The following ZNF540 variants were observed in gnomAD, a reference collection of about 807,000 sequenced individuals.
ZNF540 encodes CTD-3064H18.6.
Under a neutral mutation model 11.8 loss-of-function variants are expected in ZNF540, and 3 were observed. That is an observed-to-expected ratio of 0.25 (90% confidence interval 0.12 to 0.65). ZNF540 has a LOEUF of 0.65. ZNF540 is among the 30% of genes least tolerant of loss of function. The pLI is 0.83. For missense variants in ZNF540, 709 were observed against 793.1 expected, an observed-to-expected ratio of 0.89 and a Z score of 1.27; for synonymous variants, 247 against 259.0, an observed-to-expected ratio of 0.95 and a Z score of 0.45.
rs375408068 is a variant in ZNF540 at position 37,571,089 on chromosome 19, TA to T, written c.-73+19425del. On this transcript the variant is annotated intron_variant, in intron 1 of 4. Coordinates refer to the ZNF540 transcript ENST00000592533. ...GAATCACTCATTGTGTATTCATCTG[TA>T]GCTCATACAGCATTACTAATTATAG... 7.9e-5 allele frequency among the ~76,000 whole-genome samples: 12 copies of T among 152,358 alleles called. No individual in the cohort carries two copies. In the South Asian group the frequency reaches 2.5e-3, roughly 32 times the overall value.
At chr19:37,561,067 A>G (rs374264428) in intron 1 of ZNF540, among the ~76,000 whole-genome samples, 9 of 127,246 alleles carry the variant, frequency 7.1e-5, no homozygotes, top group African/African-American at 1.2e-4. Flanking sequence ...AAAAAAAAAA[A>G]AAAAAAAGAA....
intron 3 of ZNF540, 55 bp from the exon 4 acceptor site, chr19:37,600,955 C>T: frequency 2.1e-6 from 3 of 1,420,542 alleles, no homozygotes; most frequent in Non-Finnish European, 2.9e-6. Flanking sequence ...CAAAATGTTT[C>T]TGAATGTGCA....
At chr19:37,589,275 A>G (rs2043794744) in intron 1 of ZNF540, among the ~76,000 whole-genome samples, 1 of 151,904 alleles carries the variant, frequency 6.6e-6, no homozygotes, top group African/African-American at 2.4e-5. Flanking sequence ...TTCAGAGGGG[A>G]AAATTCTGTA....
intron 1 of ZNF540, among the ~76,000 whole-genome samples, chr19:37,578,958 A>C (rs928225542): frequency 3.3e-5 from 5 of 151,868 alleles, no homozygotes; most frequent in Non-Finnish European, 7.4e-5. Flanking sequence ...AGGGAAGGGC[A>C]AGCGCGCCAC....
At position 37,612,108 on chromosome 19, in the gene ZNF540, T is replaced by C. The variant is rs770562672; in HGVS notation, c.828T>C (p.Cys276=). The change falls in exon 5 of 5, where the codon TGT becomes TGC. Residue 276 remains cysteine, a synonymous_variant. Transcript: ENST00000316433. The stretch of plus-strand genomic sequence containing the variant: ...AAAAACCCTATATGTGTAAGAAATG[T>C]GATAAGGGTTTTTTTAGTAGATTAG... ...TGKKPYMCKK[C]DKGFFSRLEL... 1 of 1,611,636 alleles carries C rather than the reference T, an allele frequency of 6.2e-7. No individual in the cohort carries two copies. The highest frequency in any genetic ancestry group is 8.5e-7 in the Non-Finnish European group (1 of 1,179,622).
At position 37,564,954 on chromosome 19, in the gene ZNF540, G is replaced by C. The variant is rs1239412209; in HGVS notation, c.-73+13289G>C. Reference sequence around the variant, plus strand: ...TTTTCACCTGTATGAATTCTTTGATGATATGTAAGTTGTGTAGCACGTACA... The same window carrying C: ...TTTTCACCTGTATGAATTCTTTGATCATATGTAAGTTGTGTAGCACGTACA... On this transcript the variant is annotated intron_variant, in intron 1 of 4. Coordinates refer to the ZNF540 transcript ENST00000592533. The C allele has an allele frequency of 3.1e-6, 5 of 1,613,836 alleles. No individual in the cohort carries two copies. The East Asian group carries it at 8.9e-5, about 29-fold the overall frequency.
intron 4 of ZNF540, among the ~76,000 whole-genome samples, chr19:37,605,377 C>T (rs1429885141): frequency 1.3e-5 from 2 of 152,062 alleles, no homozygotes; most frequent in Admixed American, 1.3e-4. Flanking sequence ...GGGCTGGGTG[C>T]GGTGGCTCAT....
At chr19:37,608,936 C>T (rs902578704) in intron 4 of ZNF540, among the ~76,000 whole-genome samples, 8 of 152,074 alleles carry the variant, frequency 5.3e-5, no homozygotes, top group African/African-American at 1.7e-4. Context: ...CCACTGCGCC[C>T]GGCCAGTATT....
rs1445233764 is a variant in ZNF540 at position 37,569,790 on chromosome 19, G to T, written c.-73+18125G>T. On this transcript the variant is annotated intron_variant, in intron 1 of 4. Coordinates refer to the ZNF540 transcript ENST00000592533. This position sits in a 1 kb window ranked among gnomAD's most constrained non-coding sequence, Gnocchi z 4.4. ...CTGCAGTACACTGTTACTTCTGCTAGGAATGCTCTTCCCTCTTCTCTCTAT... is the reference window on the plus strand; with the variant it reads ...CTGCAGTACACTGTTACTTCTGCTATGAATGCTCTTCCCTCTTCTCTCTAT... The T allele has an allele frequency of 6.6e-6, 1 of 152,292 alleles. No homozygotes were observed. The highest frequency in any genetic ancestry group is 2.4e-5 in the African/African-American group (1 of 41,402). 9.4% of individuals were successfully genotyped at this position (152,292 alleles called of 1,614,324 possible).
chr19:37,568,324 C>CA (rs370359668), intron 1 of ZNF540, among the ~76,000 whole-genome samples: 1 of 150,726 alleles, frequency 6.6e-6, no homozygotes, highest in African/African-American at 2.4e-5. Context: ...ACTACCCCCC[C>CA]CCACTTGCCA....
chr19:37,605,534 G>C (rs2044078405), intron 4 of ZNF540, among the ~76,000 whole-genome samples: 1 of 152,136 alleles, frequency 6.6e-6, no homozygotes, highest in Non-Finnish European at 1.5e-5. Flanking sequence ...TGTAATCCCA[G>C]CTACCCGGGA....
At chr19:37,583,828 T>G in intron 1 of ZNF540, 3 of 774,522 alleles carry the variant, frequency 3.9e-6, no homozygotes, top group Non-Finnish European at 6.2e-6. Context: ...GGATAAGAGA[T>G]AAAAAGGTAC....
intron 1 of ZNF540, chr19:37,564,733 C>A (rs2042784158): frequency 4.3e-6 from 7 of 1,613,556 alleles, no homozygotes; most frequent in Non-Finnish European, 5.9e-6. Context: ...GACTAAAGGC[C>A]CTCCCACATT....
intron 1 of ZNF540, chr19:37,564,440 AG>A: frequency 1.9e-6 from 1 of 525,064 alleles, no homozygotes; most frequent in Non-Finnish European, 3.1e-6. Flanking sequence ...AGAGATGTTA[AG>A]GAATTATTTA....
intron 4 of ZNF540, among the ~76,000 whole-genome samples, chr19:37,606,976 CA>C (rs1472697196): frequency 6.6e-6 from 1 of 151,734 alleles, no homozygotes; most frequent in Non-Finnish European, 1.5e-5. Context: ...TACAAGGACA[CA>C]AAAATTCCCA....
intron 4 of ZNF540, among the ~76,000 whole-genome samples, chr19:37,604,597 G>A (rs540450221): frequency 5.9e-5 from 9 of 152,046 alleles, no homozygotes; most frequent in South Asian, 2.1e-4. Flanking sequence ...ATGAGCCACC[G>A]CGCCTGGCCA....
At chr19:37,566,845 T>C (rs1467220235) in intron 1 of ZNF540, among the ~76,000 whole-genome samples, 1 of 152,214 alleles carries the variant, frequency 6.6e-6, no homozygotes, top group East Asian at 1.9e-4. Flanking sequence ...CTATTAATGG[T>C]CTGCCATCTC....
intron 1 of ZNF540, among the ~76,000 whole-genome samples, chr19:37,597,103 C>T (rs1401156788): frequency 6.6e-6 from 1 of 152,072 alleles, no homozygotes; most frequent in Non-Finnish European, 1.5e-5. Context: ...ATAATAATGA[C>T]ATTGTAGAAC....
intron 1 of ZNF540, chr19:37,556,268 A>G (rs917710525): frequency 7.0e-5 from 43 of 616,624 alleles, no homozygotes; most frequent in South Asian, 2.3e-4. Flanking sequence ...AGGTGAGGAG[A>G]AAGGAGTAGG....
Sources: gnomAD v4.1 joint callset for allele counts (sites outside exome capture counted in the v4.1 genomes callset) on GRCh38, gnomAD v4.1.1 for gene constraint, Gnocchi (gnomAD v3.1) non-coding constraint, MANE v1.5 for transcripts, NCBI Gene and HGNC (gene_info 2026-07-23, HGNC 2026-07-21) for gene names.